DCC: variants seen among roughly 807,000 people sequenced by gnomAD.
The protein encoded by DCC is netrin receptor DCC.
DCC carries 58 observed loss-of-function variants against 172.5 expected under a neutral mutation model. That is an observed-to-expected ratio of 0.34 (90% confidence interval 0.27 to 0.42). DCC has a LOEUF of 0.42. DCC is among the 10% of genes least tolerant of loss of function. The pLI is 1.00. For synonymous variants in DCC, 709 were observed against 644.5 expected (o/e 1.10, Z -1.52); for missense variants, 1,740 against 1,791.0 (o/e 0.97, Z 0.51).
At chr18:52,722,440 T>A (rs1363812978) in intron 1 of DCC, among the ~76,000 whole-genome samples, 1 of 152,172 alleles carries the variant, frequency 6.6e-6, no homozygotes, top group Non-Finnish European at 1.5e-5. Context: ...TTTGTTTAGA[T>A]CAATATTCAG....
intron 2 of DCC, among the ~76,000 whole-genome samples, chr18:52,817,295 TA>T (rs2038318005): frequency 6.6e-6 from 1 of 152,158 alleles, no homozygotes; most frequent in Admixed American, 6.5e-5. Context: ...TATCTGCCTT[TA>T]TATTACATTG....
At chr18:53,428,444 T>TAATATAATACATATAATATATTA (rs1599139678) in intron 21 of DCC, among the ~76,000 whole-genome samples, 2 of 32,998 alleles carry the variant, frequency 6.1e-5, no homozygotes, top group African/African-American at 1.8e-4. Flanking sequence ...ATATAATATA[T>TAATATAATACATATAATATATTA]TATATTATTT....
intron 1 of DCC, among the ~76,000 whole-genome samples, chr18:52,542,769 T>A (rs2032497536): frequency 6.6e-6 from 1 of 151,672 alleles, no homozygotes; most frequent in Admixed American, 6.6e-5. Flanking sequence ...AACTGGGGAA[T>A]AGGAGGTTGT....
intron 14 of DCC, among the ~76,000 whole-genome samples, chr18:53,337,695 G>T (rs1247225648): frequency 6.6e-6 from 1 of 152,154 alleles, no homozygotes; most frequent in Non-Finnish European, 1.5e-5. Context: ...GGCAACTTTA[G>T]AATCTTTTGA....
chr18:52,730,951 G>C (rs922579298), intron 1 of DCC, among the ~76,000 whole-genome samples: 1 of 152,108 alleles, frequency 6.6e-6, no homozygotes, highest in Admixed American at 6.6e-5. Flanking sequence ...CAAACCGCTA[G>C]ACTGACAATA....
intron 5 of DCC, among the ~76,000 whole-genome samples, chr18:52,986,410 A>G (rs932895450): frequency 1.3e-5 from 2 of 152,136 alleles, no homozygotes; most frequent in African/African-American, 4.8e-5. Context: ...CTCACTTTCT[A>G]TATTTACTTT....
intron 2 of DCC, among the ~76,000 whole-genome samples, chr18:52,868,033 G>GTGTATATATATA (rs34439277): frequency 8.3e-6 from 1 of 120,428 alleles, no homozygotes; most frequent in African/African-American, 2.8e-5. Flanking sequence ...GTGTATGTGT[G>GTGTATATATATA]TATATATATA....
chr18:52,460,630 C>T (rs1988600886), intron 1 of DCC, among the ~76,000 whole-genome samples: 1 of 152,178 alleles, frequency 6.6e-6, no homozygotes, highest in South Asian at 2.1e-4. Flanking sequence ...TAGCCTAGTA[C>T]ACACCTAGGC....
At chr18:53,477,780 G>T (rs1240129748) in intron 25 of DCC, among the ~76,000 whole-genome samples, 7 of 152,066 alleles carry the variant, frequency 4.6e-5, no homozygotes, top group Admixed American at 1.3e-4. Flanking sequence ...TATGGCATAT[G>T]CTACTCCTTA....
At chr18:53,179,541 A>G (rs1454342321) in intron 9 of DCC, among the ~76,000 whole-genome samples, 1 of 152,222 alleles carries the variant, frequency 6.6e-6, no homozygotes, top group Non-Finnish European at 1.5e-5. Context: ...AAAAGCTTGA[A>G]CACGCACCGC....
At chr18:52,630,224 A>C (rs1032572115) in intron 1 of DCC, among the ~76,000 whole-genome samples, 1 of 152,230 alleles carries the variant, frequency 6.6e-6, no homozygotes, top group African/African-American at 2.4e-5. Flanking sequence ...GTCGTGATTG[A>C]AAGAAGATAT....
At chr18:52,826,651 G>T (rs191987394) in intron 2 of DCC, among the ~76,000 whole-genome samples, 14 of 152,100 alleles carry the variant, frequency 9.2e-5, no homozygotes, top group African/African-American at 2.9e-4. Flanking sequence ...GCTAATTTTT[G>T]TATTTTTAGT....
chr18:52,434,867 T>C (rs1161749808), intron 1 of DCC, among the ~76,000 whole-genome samples: 1 of 152,208 alleles, frequency 6.6e-6, no homozygotes, highest in Non-Finnish European at 1.5e-5. Context: ...GATAACATTG[T>C]CTGTACCCCC....
intron 16 of DCC, among the ~76,000 whole-genome samples, chr18:53,388,762 C>A (rs1039660749): frequency 6.6e-6 from 1 of 152,186 alleles, no homozygotes; most frequent in African/African-American, 2.4e-5. Context: ...GTACAATCCA[C>A]ATGTAAAATT....
At chr18:52,909,839 T>C (rs2039943922) in intron 3 of DCC, among the ~76,000 whole-genome samples, 2 of 152,130 alleles carry the variant, frequency 1.3e-5, no homozygotes, top group Admixed American at 6.6e-5. Flanking sequence ...ACAAAGCAAG[T>C]AGGCTGTGCT....
chr18:53,368,617 G>T (rs1468977110), intron 15 of DCC, among the ~76,000 whole-genome samples: 1 of 151,966 alleles, frequency 6.6e-6, no homozygotes, highest in African/African-American at 2.4e-5. Flanking sequence ...TCGATTTTTT[G>T]TAGTGGTATT....
At chr18:52,623,749 C>T (rs192065727) in intron 1 of DCC, among the ~76,000 whole-genome samples, 118 of 152,256 alleles carry the variant, frequency 7.8e-4, no homozygotes, top group African/African-American at 2.6e-3. Context: ...TGCATCTCCC[C>T]CTTTCAACTT....
chr18:53,248,786 A>C (rs1248103033), intron 12 of DCC, among the ~76,000 whole-genome samples: 2 of 152,044 alleles, frequency 1.3e-5, no homozygotes, highest in African/African-American at 4.8e-5. Flanking sequence ...AGAAAGTAAA[A>C]TCATCTATTC....
chr18:52,556,105 C>A (rs561276895), intron 1 of DCC, among the ~76,000 whole-genome samples: 2 of 152,040 alleles, frequency 1.3e-5, no homozygotes, highest in Non-Finnish European at 2.9e-5. Flanking sequence ...GCTCCTAAGT[C>A]CAGGGAGAAG....
Sources: gnomAD v4.1 joint callset for allele counts (sites outside exome capture counted in the v4.1 genomes callset) on GRCh38, gnomAD v4.1.1 for gene constraint, MANE v1.5 for transcripts, NCBI Gene and HGNC (gene_info 2026-07-23, HGNC 2026-07-21) for gene names.